The following MDH2 variants were observed in gnomAD, a reference collection of about 807,000 sequenced individuals.
The protein encoded by MDH2 is malate dehydrogenase, mitochondrial.
MDH2 carries 25 observed loss-of-function variants against 33.6 expected under a neutral mutation model. The ratio of observed to expected loss-of-function variants is 0.74; its 90% CI spans 0.54 to 1.04. MDH2 has a LOEUF of 1.04. Among genes scored for constraint, MDH2 ranks in the 50% least tolerant of loss-of-function variants. The pLI is 0.00. For synonymous variants in MDH2, 193 were observed against 188.7 expected, an observed-to-expected ratio of 1.02 and a Z score of -0.19; for missense variants, 432 against 445.0, an observed-to-expected ratio of 0.97 and a Z score of 0.26.
rs1270750801 is a variant in MDH2 at position 76,048,138 on chromosome 7, T to C, written c.-23T>C. ...CGTCACCAGCTCCTGTGCCTGCCAG[T>C]CGGTGCCCCTCCCGCTCCAGCCATG... On this transcript the variant is annotated 5_prime_UTR_variant, in exon 1 of 9. Transcript: ENST00000315758. 6.5e-7 allele frequency: 1 copy of C among 1,536,384 alleles called. No individual in the cohort carries two copies. The highest frequency in any genetic ancestry group is 8.7e-7 in the Non-Finnish European group (1 of 1,146,404).
At chr7:76,048,791 T>A in intron 1 of MDH2, 1 of 1,223,938 alleles carries the variant, frequency 8.2e-7, no homozygotes, top group Non-Finnish European at 1.0e-6. Flanking sequence ...TCTCCTGCTG[T>A]GGGCGGACTG....
chr7:76,051,429 C>T (rs949104481), intron 1 of MDH2, among the ~76,000 whole-genome samples: 12 of 151,262 alleles, frequency 7.9e-5, no homozygotes, highest in Non-Finnish European at 1.8e-4. Flanking sequence ...TCAAGCCATT[C>T]TCCTGCCTCA....
At chr7:76,053,069 G>A (rs1399219009) in intron 1 of MDH2, among the ~76,000 whole-genome samples, 1 of 152,198 alleles carries the variant, frequency 6.6e-6, no homozygotes, top group Non-Finnish European at 1.5e-5. Flanking sequence ...AGGTGTTGCT[G>A]AGTACCTAAG....
chr7:76,057,250 A>G (rs1797811914), intron 2 of MDH2, among the ~76,000 whole-genome samples, 160 bp from the exon 3 acceptor site: 1 of 152,180 alleles, frequency 6.6e-6, no homozygotes. Flanking sequence ...GGGAATTGTC[A>G]GCTCGCAGGG....
chr7:76,054,735 G>A (rs1797718970), intron 1 of MDH2, 95 bp from the exon 2 acceptor site: 12 of 1,438,360 alleles, frequency 8.3e-6, no homozygotes, highest in Non-Finnish European at 1.2e-5. Flanking sequence ...GGCAACTGCA[G>A]TAAAAAGAGG....
chr7:76,052,807 G>C (rs1181943340), intron 1 of MDH2, among the ~76,000 whole-genome samples: 9 of 152,066 alleles, frequency 5.9e-5, no homozygotes, highest in Admixed American at 5.9e-4. Context: ...CTCTCAGAGT[G>C]CTGGGATTAC....
intron 7 of MDH2, among the ~76,000 whole-genome samples, 177 bp downstream of exon 7, chr7:76,064,615 A>T (rs1050431386): frequency 6.6e-6 from 1 of 152,128 alleles, no homozygotes; most frequent in Non-Finnish European, 1.5e-5. Context: ...TGGGGTTGAG[A>T]GTCATTTTTG....
At chr7:76,058,529 A>G (rs1464145823) in intron 4 of MDH2, among the ~76,000 whole-genome samples, 3 of 152,212 alleles carry the variant, frequency 2.0e-5, no homozygotes, top group Admixed American at 2.0e-4. Context: ...TGTATATACC[A>G]TGTGTTTTCC....
At chr7:76,063,836 G>C (rs1798018963) in intron 6 of MDH2, among the ~76,000 whole-genome samples, 1 of 152,228 alleles carries the variant, frequency 6.6e-6, no homozygotes. Flanking sequence ...AACCTCACCG[G>C]GTTACTGGTT....
chr7:76,056,296 CAGAATT>C (rs782759224), intron 2 of MDH2, among the ~76,000 whole-genome samples: 2 of 152,138 alleles, frequency 1.3e-5, no homozygotes, highest in Non-Finnish European at 2.9e-5. Flanking sequence ...GTTCTAAACA[CAGAATT>C]AGTAGGTATG....
At chr7:76,048,585 G>T in intron 1 of MDH2, 3 of 1,310,130 alleles carry the variant, frequency 2.3e-6, no homozygotes, top group Non-Finnish European at 1.9e-6. Context: ...GCGTTCCATT[G>T]CTTTGACGTA....
At position 76,048,237 on chromosome 7, in the gene MDH2, C is replaced by T. The variant is rs782287447; in HGVS notation, c.66+11C>T. 2.2e-5 allele frequency: 34 copies of T among 1,531,998 alleles called. No homozygotes were observed. The highest frequency in any genetic ancestry group is 4.1e-4 in the Middle Eastern group (2 of 4,856). 94.9% of individuals were successfully genotyped at this position (1,531,998 alleles called of 1,614,324 possible). On this transcript the variant is annotated intron_variant, in intron 1 of 8. Transcript: ENST00000315758. Reference sequence around the variant, plus strand: ...AGCACCTCGGCCCAGGTAGGCCAGACGAGGGGCGGCCTGCAGGCGGAGGCC... The same window carrying T: ...AGCACCTCGGCCCAGGTAGGCCAGATGAGGGGCGGCCTGCAGGCGGAGGCC...
chr7:76,059,995 C>G lies in MDH2; in HGVS notation c.430-378C>G, dbSNP rs1797901705. Among the ~76,000 whole-genome samples the G allele has an allele frequency of 2.0e-5, 3 of 152,284 alleles. No individual in the cohort carries two copies. In the South Asian group the frequency reaches 6.2e-4, roughly 32 times the overall value. On this transcript the variant is annotated intron_variant, in intron 4 of 8. Coordinates refer to ENST00000315758, the MANE Select transcript of MDH2 (RefSeq NM_005918.4). The stretch of plus-strand genomic sequence containing the variant: ...AGGGTCATAGCACAGAGGGACTGAG[C>G]TGCCAGTGGACCTGCTTCCTTGGAG...
chr7:76,062,470 T>A (rs1162054718), intron 5 of MDH2, among the ~76,000 whole-genome samples: 1 of 152,236 alleles, frequency 6.6e-6, no homozygotes, highest in African/African-American at 2.4e-5. Context: ...AAGCTGATCC[T>A]ACTTTTCCCG....
chr7:76,050,419 T>C (rs539547430), intron 1 of MDH2, among the ~76,000 whole-genome samples: 9 of 152,224 alleles, frequency 5.9e-5, no homozygotes, highest in Admixed American at 2.0e-4. Context: ...TCACATCATA[T>C]GGAAAGAGTA....
At chr7:76,052,765 C>T (rs1554585664) in intron 1 of MDH2, among the ~76,000 whole-genome samples, 1 of 152,036 alleles carries the variant, frequency 6.6e-6, no homozygotes, top group African/African-American at 2.4e-5. Context: ...AAGCTGGTCT[C>T]AAAGTCCTGA....
At chr7:76,055,641 G>A (rs1462286782) in intron 2 of MDH2, among the ~76,000 whole-genome samples, 2 of 151,384 alleles carry the variant, frequency 1.3e-5, no homozygotes, top group Non-Finnish European at 2.9e-5. Flanking sequence ...GGAGGCTGAG[G>A]TGGGAGGATT....
chr7:76,057,239 C>T (rs529548823), intron 2 of MDH2, among the ~76,000 whole-genome samples, 171 bp from the exon 3 acceptor site: 6 of 152,226 alleles, frequency 3.9e-5, no homozygotes, highest in South Asian at 2.1e-4. Context: ...GTTCCTGCCA[C>T]GGGAATTGTC....
chr7:76,048,512 A>G, intron 1 of MDH2: 1 of 1,323,014 alleles, frequency 7.6e-7, no homozygotes, highest in Non-Finnish European at 9.6e-7. Flanking sequence ...CTTGGCTTGC[A>G]CGCCTTCAAG....
Sources: gnomAD v4.1 joint callset for allele counts (sites outside exome capture counted in the v4.1 genomes callset) on GRCh38, gnomAD v4.1.1 for gene constraint, MANE v1.5 for transcripts, NCBI Gene and HGNC (gene_info 2026-07-23, HGNC 2026-07-21) for gene names.